Variants in RTN4RL1 observed in about 807,000 individuals in gnomAD.
RTN4RL1 encodes the protein reticulon-4 receptor-like 1.
Under a neutral mutation model 25.6 loss-of-function variants are expected in RTN4RL1, and 7 were observed. The ratio of observed to expected loss-of-function variants is 0.27; its 90% CI spans 0.16 to 0.51. RTN4RL1 has a LOEUF of 0.51. Ranked by LOEUF, RTN4RL1 falls within the 20% of genes least tolerant of loss-of-function variation. The pLI is 0.97. For synonymous variants in RTN4RL1, 297 were observed against 288.2 expected, an observed-to-expected ratio of 1.03 and a Z score of -0.31; for missense variants, 500 against 615.6, an observed-to-expected ratio of 0.81 and a Z score of 1.99.
intron 1 of RTN4RL1, among the ~76,000 whole-genome samples, chr17:2,023,832 C>T (rs1024316406): frequency 6.6e-6 from 1 of 152,210 alleles, no homozygotes; most frequent in Non-Finnish European, 1.5e-5. Context: ...TCAGGCCCCT[C>T]GGCTACCTGA....
intron 1 of RTN4RL1, among the ~76,000 whole-genome samples, chr17:1,988,385 C>G (rs1256028668): frequency 8.7e-6 from 1 of 114,860 alleles, no homozygotes; most frequent in Admixed American, 1.2e-4. Context: ...AGCCTGGTGA[C>G]AGAGCAAGAC....
At chr17:1,946,893 C>T (rs1397207279) in intron 1 of RTN4RL1, among the ~76,000 whole-genome samples, 7 of 104,294 alleles carry the variant, frequency 6.7e-5, no homozygotes, top group South Asian at 3.3e-4. Flanking sequence ...TGTGTGTGCA[C>T]GTGTGTCTGT....
intron 1 of RTN4RL1, among the ~76,000 whole-genome samples, chr17:1,989,167 C>T (rs542602984): frequency 2.6e-5 from 4 of 152,002 alleles, no homozygotes; most frequent in South Asian, 2.1e-4. Flanking sequence ...CGGTTAGCGG[C>T]GGCGGGGGAA....
chr17:2,015,310 G>A (rs939173777), intron 1 of RTN4RL1, among the ~76,000 whole-genome samples: 8 of 152,168 alleles, frequency 5.3e-5, no homozygotes, highest in African/African-American at 1.9e-4. Flanking sequence ...CAGACACGCC[G>A]GGTTTGAGAG....
chr17:1,976,683 G>C (rs1378553534), intron 1 of RTN4RL1, among the ~76,000 whole-genome samples: 1 of 152,158 alleles, frequency 6.6e-6, no homozygotes, highest in Non-Finnish European at 1.5e-5. Context: ...ACTGCAGTTG[G>C]GGCTCAAACC....
At chr17:1,996,312 G>C (rs1183716805) in intron 1 of RTN4RL1, among the ~76,000 whole-genome samples, 1 of 152,102 alleles carries the variant, frequency 6.6e-6, no homozygotes, top group East Asian at 1.9e-4. Context: ...CCAGAAACTG[G>C]TAAAGACAAC....
chr17:1,947,296 T>C (rs1915577589), intron 1 of RTN4RL1, among the ~76,000 whole-genome samples: 1 of 152,218 alleles, frequency 6.6e-6, no homozygotes, highest in Non-Finnish European at 1.5e-5. Flanking sequence ...GCAAAGCCGA[T>C]GCATGTGTGC....
At chr17:2,015,770 G>C (rs1354267207) in intron 1 of RTN4RL1, among the ~76,000 whole-genome samples, 1 of 135,730 alleles carries the variant, frequency 7.4e-6, no homozygotes, top group Non-Finnish European at 1.6e-5. Flanking sequence ...CGGGCAGAGA[G>C]AGCCGAGCGG....
intron 1 of RTN4RL1, among the ~76,000 whole-genome samples, chr17:2,023,867 G>A (rs1398952130): frequency 6.6e-6 from 1 of 152,186 alleles, no homozygotes; most frequent in Non-Finnish European, 1.5e-5. Flanking sequence ...CGCTCCCGCA[G>A]GGCCGGGGCA....
rs548456106 is a variant in RTN4RL1 at position 1,974,823 on chromosome 17, C to T, written c.14-37015G>A. Among the ~76,000 whole-genome samples, 110 of 152,304 alleles carry T rather than the reference C, an allele frequency of 7.2e-4. 1 individual carries two copies. The highest frequency in any genetic ancestry group is 2.5e-3 in the African/African-American group (105 of 41,566). ...TCTCCCATCGGCTGAACCTGAAGGC[C>T]GAGGGCAGGAGCCCACTGGTGTCAT... is the stretch of plus-strand genomic sequence containing the variant. On this transcript the variant is annotated intron_variant, in intron 1 of 1. Coordinates refer to ENST00000331238, the MANE Select transcript of RTN4RL1 (RefSeq NM_178568.4).
At chr17:1,965,706 C>T (rs1427071653) in intron 1 of RTN4RL1, among the ~76,000 whole-genome samples, 1 of 152,168 alleles carries the variant, frequency 6.6e-6, no homozygotes, top group African/African-American at 2.4e-5. Context: ...TCTCCCAGTT[C>T]ACTTTCCAGG....
chr17:1,952,192 C>A (rs1408983463), intron 1 of RTN4RL1, among the ~76,000 whole-genome samples: 1 of 152,198 alleles, frequency 6.6e-6, no homozygotes, highest in Non-Finnish European at 1.5e-5. Context: ...CAGCTGCCAT[C>A]ATGCACGAAT....
chr17:2,017,463 A>G (rs1441689359), intron 1 of RTN4RL1, among the ~76,000 whole-genome samples: 1 of 152,178 alleles, frequency 6.6e-6, no homozygotes, highest in Non-Finnish European at 1.5e-5. Flanking sequence ...TGTTCCTGAC[A>G]TGTGGCACAC....
At chr17:1,995,397 G>A (rs1438812362) in intron 1 of RTN4RL1, among the ~76,000 whole-genome samples, 1 of 147,688 alleles carries the variant, frequency 6.8e-6, no homozygotes, top group Admixed American at 6.9e-5. Context: ...TTGCACTACA[G>A]CCTGGGTGAC....
chr17:2,022,089 C>T (rs2067214736), intron 1 of RTN4RL1, among the ~76,000 whole-genome samples: 1 of 151,424 alleles, frequency 6.6e-6, no homozygotes, highest in Non-Finnish European at 1.5e-5. Flanking sequence ...CCGAGGTGGG[C>T]AGATCACTTG....
intron 1 of RTN4RL1, among the ~76,000 whole-genome samples, chr17:2,013,098 A>G (rs1042533032): frequency 6.6e-6 from 1 of 152,056 alleles, no homozygotes; most frequent in Admixed American, 6.6e-5. Context: ...CCGGCCTGCT[A>G]TGTTCTATTT....
intron 1 of RTN4RL1, among the ~76,000 whole-genome samples, chr17:1,980,498 A>T (rs2066862422): frequency 6.6e-6 from 1 of 152,168 alleles, no homozygotes. Context: ...TTCACATGCT[A>T]ACAGTGGTGC....
chr17:1,983,456 A>C (rs1027995870), intron 1 of RTN4RL1, among the ~76,000 whole-genome samples: 1 of 152,194 alleles, frequency 6.6e-6, no homozygotes, highest in Non-Finnish European at 1.5e-5. Flanking sequence ...GCTGCACCTA[A>C]TTCGGGAACG....
At chr17:1,999,678 C>CA (rs1044020187) in intron 1 of RTN4RL1, among the ~76,000 whole-genome samples, 1 of 151,064 alleles carries the variant, frequency 6.6e-6, no homozygotes, top group Non-Finnish European at 1.5e-5. Flanking sequence ...TACATGCCCC[C>CA]CCCACACACA....
Sources: allele counts gnomAD v4.1 joint callset (sites outside exome capture counted in the v4.1 genomes callset), GRCh38; gene constraint gnomAD v4.1.1; transcripts MANE v1.5; gene names NCBI Gene and HGNC (gene_info 2026-07-23, HGNC 2026-07-21).